VPS13B: variants seen among roughly 807,000 people sequenced by gnomAD.
VPS13B encodes vacuolar protein sorting 13 homolog B, also known as intermembrane lipid transfer protein VPS13B.
In VPS13B, 285 loss-of-function variants were observed where a neutral mutation model predicts 426.4. The ratio of observed to expected loss-of-function variants is 0.67; its 90% confidence interval spans 0.61 to 0.74. VPS13B has a LOEUF of 0.74. Among genes scored for constraint, VPS13B ranks in the 30% least tolerant of loss-of-function variants. The probability of loss-of-function intolerance (pLI) is 0.00; values close to 1 mark genes in which losing one functional copy is unlikely to be tolerated. For synonymous variants in VPS13B, 1,676 were observed against 1,676.4 expected (o/e 1.00, Z 0.01); for missense variants, 4,537 against 4,782.6 (o/e 0.95, Z 1.51).
chr8:99,556,490 G>A lies in VPS13B; in HGVS notation c.4786G>A (p.Glu1596Lys). ...AGGAATTCTTCGAGATCCTGGATCA[G>A]AAATCGAAGACAGACAATACCAAAT... ...NLGILRDPGS[E>K]IEDRQYQIDL... Residue 1596 changes from glutamate to lysine, a missense_variant, in exon 31 of 62, where the codon GAA (glutamate) becomes AAA (lysine). By Grantham distance (56) the Glu-to-Lys change is moderately conservative (BLOSUM62 1). This residue lies in a region of VPS13B where 4,311 missense variants were observed against 4,474.3 expected (regional missense o/e 0.96). Transcript: ENST00000357162. The A allele has an allele frequency of 1.2e-6, 2 of 1,613,058 alleles. No homozygotes were observed. Among genetic ancestry groups the A allele is most frequent in the Non-Finnish European group, 8.5e-7 (1 of 1,179,494 alleles).
At chr8:99,685,118 G>A (rs1831329853) in intron 35 of VPS13B, among the ~76,000 whole-genome samples, 1 of 152,138 alleles carries the variant, frequency 6.6e-6, no homozygotes, top group Admixed American at 6.5e-5. Context: ...ATGTTTTTAA[G>A]ATATATTAGA....
intron 34 of VPS13B, 81 bp downstream of exon 34, chr8:99,642,579 C>A: frequency 7.8e-7 from 1 of 1,280,488 alleles, no homozygotes; most frequent in Non-Finnish European, 1.1e-6. Context: ...ATTGATTAAA[C>A]AGAAACAGCT....
intron 19 of VPS13B, among the ~76,000 whole-genome samples, chr8:99,359,252 C>T (rs990365908): frequency 6.6e-6 from 1 of 152,052 alleles, no homozygotes; most frequent in Admixed American, 6.5e-5. Context: ...TTAGAAACAA[C>T]ATTTTTTATA....
At chr8:99,359,226 T>C (rs553163788) in intron 19 of VPS13B, among the ~76,000 whole-genome samples, 1 of 152,304 alleles carries the variant, frequency 6.6e-6, no homozygotes, top group Non-Finnish European at 1.5e-5. Context: ...TTTATAGTCA[T>C]AAAATAACAT....
chr8:99,729,121 G>C (rs569024571), intron 39 of VPS13B, among the ~76,000 whole-genome samples: 4 of 152,228 alleles, frequency 2.6e-5, no homozygotes, highest in African/African-American at 9.6e-5. Context: ...AGTCAACTTT[G>C]GTCATGGGGA....
intron 17 of VPS13B, among the ~76,000 whole-genome samples, chr8:99,204,908 G>A (rs978035820): frequency 6.6e-6 from 1 of 152,182 alleles, no homozygotes; most frequent in Admixed American, 6.5e-5. Flanking sequence ...CTGTTGGTGG[G>A]AGTCTAAATT....
chr8:99,832,682 T>G (rs1469806265), intron 52 of VPS13B, 30 bp downstream of exon 52: 1 of 1,610,428 alleles, frequency 6.2e-7, no homozygotes. Flanking sequence ...ATGTCTGTTC[T>G]TCTTTGCTTG....
chr8:99,410,342 T>C (rs943037527), intron 21 of VPS13B, among the ~76,000 whole-genome samples: 2 of 152,130 alleles, frequency 1.3e-5, no homozygotes, highest in African/African-American at 4.8e-5. Flanking sequence ...TTTTGTGTGG[T>C]ATACTTCACT....
rs1371293798 is a variant in VPS13B, at chr8:99,665,198, A to G, written c.6046+3707A>G. Among the ~76,000 whole-genome samples, 6 of 151,964 alleles carry G rather than the reference A, an allele frequency of 3.9e-5. No individual in the cohort carries two copies. The East Asian group carries it at 1.2e-3, about 29-fold the overall frequency. ...TTTTCTTATAAATTTGTTTGAGTTCATTGTAGATTCTGGATATTAGCCCTT... is the reference window on the plus strand; with the variant it reads ...TTTTCTTATAAATTTGTTTGAGTTCGTTGTAGATTCTGGATATTAGCCCTT... On this transcript the variant is annotated intron_variant, in intron 35 of 61. Coordinates refer to ENST00000357162, the MANE Select transcript of VPS13B (RefSeq NM_152564.5).
intron 17 of VPS13B, among the ~76,000 whole-genome samples, chr8:99,269,654 G>A (rs950504062): frequency 6.6e-6 from 1 of 152,108 alleles, no homozygotes; most frequent in African/African-American, 2.4e-5. Context: ...TAGCTTATTT[G>A]CTCTTTTTGT....
intron 17 of VPS13B, chr8:99,234,534 G>A (rs556933194): frequency 3.6e-5 from 17 of 474,910 alleles, no homozygotes; most frequent in African/African-American, 2.8e-4. Flanking sequence ...GGGTTCAGGG[G>A]CCGCAGGGCT....
intron 20 of VPS13B, among the ~76,000 whole-genome samples, chr8:99,389,049 T>G (rs1229032846): frequency 6.6e-6 from 1 of 152,090 alleles, no homozygotes; most frequent in Non-Finnish European, 1.5e-5. Flanking sequence ...CTAGGGAGGC[T>G]GAGGCAGGAG....
Position 99,556,578 on chromosome 8 carries a change from G to T in VPS13B, c.4874G>T (p.Ser1625Ile), listed in dbSNP as rs1014154776. ...QWHQLKPEKESVSGGVVTETE... is the reference protein window; with the variant it reads ...QWHQLKPEKEIVSGGVVTETE... ...CATCAACTAAAACCAGAGAAGGAAA[G>T]TGTCTCAGGAGGGGTGGTAACAGAG... The change falls in exon 31 of 62, where the codon AGT becomes ATT. Residue 1625 changes from serine to isoleucine, a missense_variant. By Grantham distance (142) the Ser-to-Ile change is moderately radical. Around this residue, in one of 2 missense-constraint regions of VPS13B, gnomAD observed 4,311 missense variants for 4,474.3 expected, o/e 0.96. Transcript: ENST00000357162. 1.2e-6 allele frequency: 2 copies of T among 1,613,150 alleles called. No individual in the cohort carries two copies.
chr8:99,079,973 G>GT (rs1489128821), intron 3 of VPS13B, among the ~76,000 whole-genome samples: 1 of 150,038 alleles, frequency 6.7e-6, no homozygotes, highest in Non-Finnish European at 1.5e-5. Flanking sequence ...GCCTGTTCAA[G>GT]TTTTTTTAGT....
intron 19 of VPS13B, among the ~76,000 whole-genome samples, chr8:99,379,809 A>G (rs576913947): frequency 6.6e-6 from 1 of 152,300 alleles, no homozygotes; most frequent in Non-Finnish European, 1.5e-5. Context: ...GATATTAGTT[A>G]TAGAACAAAT....
chr8:99,565,965 A>C (rs1235264695), intron 31 of VPS13B, among the ~76,000 whole-genome samples: 1 of 152,158 alleles, frequency 6.6e-6, no homozygotes, highest in Non-Finnish European at 1.5e-5. Context: ...TAATTTCCTT[A>C]AACCTTACCA....
chr8:99,170,295 C>A (rs1812254916), intron 16 of VPS13B, 132 bp downstream of exon 16: 1 of 1,133,506 alleles, frequency 8.8e-7, no homozygotes, highest in South Asian at 1.4e-5. Flanking sequence ...TAAACTTGTA[C>A]TTTTACTGAG....
intron 15 of VPS13B, among the ~76,000 whole-genome samples, chr8:99,160,696 C>T (rs1256188867): frequency 6.8e-6 from 1 of 147,334 alleles, no homozygotes; most frequent in Non-Finnish European, 1.5e-5. Flanking sequence ...CACTAATTTT[C>T]ATGTAATGTA....
chr8:99,113,053 C>G (rs1273792002), intron 6 of VPS13B, among the ~76,000 whole-genome samples: 1 of 148,604 alleles, frequency 6.7e-6, no homozygotes, highest in East Asian at 2.0e-4. Flanking sequence ...CCCACCCTTC[C>G]CCTCCCCTCT....
Sources: gnomAD v4.1 joint callset for allele counts (sites outside exome capture counted in the v4.1 genomes callset) on GRCh38, gnomAD v4.1.1 for gene constraint, gnomAD v4.1.1 regional missense constraint, MANE v1.5 for transcripts, NCBI Gene and HGNC (gene_info 2026-07-23, HGNC 2026-07-21) for gene names.